NOS1AP: variants seen among roughly 807,000 people sequenced by gnomAD.
NOS1AP encodes the protein carboxyl-terminal PDZ ligand of neuronal nitric oxide synthase protein.
In NOS1AP, 21 loss-of-function variants were observed where a neutral mutation model predicts 56.2. The ratio of observed to expected loss-of-function variants is 0.37; its 90% confidence interval spans 0.26 to 0.54. NOS1AP has a LOEUF of 0.54. NOS1AP is among the 20% of genes least tolerant of loss of function. The pLI, the probability that NOS1AP is intolerant of heterozygous loss-of-function variation, is 0.84. For missense variants in NOS1AP, 522 were observed against 657.8 expected (o/e 0.79, Z 2.26); for synonymous variants, 270 against 274.6 (o/e 0.98, Z 0.17).
intron 1 of NOS1AP, among the ~76,000 whole-genome samples, chr1:162,146,178 C>T (rs1649458205): frequency 6.6e-6 from 1 of 151,422 alleles, no homozygotes; most frequent in Non-Finnish European, 1.5e-5. Flanking sequence ...GCTAGCTAGT[C>T]ACTGGGGCTT....
At chr1:162,240,534 A>T (rs1188050908) in intron 2 of NOS1AP, among the ~76,000 whole-genome samples, 3 of 152,222 alleles carry the variant, frequency 2.0e-5, no homozygotes, top group Non-Finnish European at 4.4e-5. Context: ...ACAGCACAGC[A>T]TGCTTTCTAG....
At chr1:162,128,353 T>G (rs1648582625) in intron 1 of NOS1AP, among the ~76,000 whole-genome samples, 1 of 152,172 alleles carries the variant, frequency 6.6e-6, no homozygotes, top group African/African-American at 2.4e-5. Context: ...AAATACTTTC[T>G]ATTGTGTTGC....
chr1:162,365,886 T>C (rs934370340), intron 9 of NOS1AP, among the ~76,000 whole-genome samples: 1 of 152,174 alleles, frequency 6.6e-6, no homozygotes, highest in Admixed American at 6.5e-5. Flanking sequence ...CCCATTTCTT[T>C]CTCAGAGAGC....
At chr1:162,189,341 T>C (rs1160251606) in intron 2 of NOS1AP, among the ~76,000 whole-genome samples, 1 of 152,236 alleles carries the variant, frequency 6.6e-6, no homozygotes, top group African/African-American at 2.4e-5. Flanking sequence ...GCTCATTTAG[T>C]TCTGCTAATT....
At position 162,365,569 on chromosome 1, in the gene NOS1AP, A is replaced by C. The variant is rs770024717; in HGVS notation, c.1105A>C (p.Met369Leu). The stretch of plus-strand genomic sequence containing the variant: ...ACTGAAGCTGTCAGGACAGAACGCC[A>C]GTAAGCCAGTGCCCTGCCCAGCCCT... ...LELKLSGQNA[M>L]GSQDSLLEIT... The change falls in exon 9 of 10, where the codon ATG becomes CTG. Residue 369 changes from methionine to leucine, a missense_variant and splice_region_variant. This residue lies in a region of NOS1AP where 52 missense variants were observed against 94.5 expected (regional missense o/e 0.55). Coordinates refer to ENST00000361897, the MANE Select transcript of NOS1AP (RefSeq NM_014697.3). The C allele has an allele frequency of 6.2e-7, 1 of 1,610,238 alleles. No individual in the cohort carries two copies.
intron 2 of NOS1AP, among the ~76,000 whole-genome samples, chr1:162,273,071 T>G (rs1363192411): frequency 2.0e-5 from 3 of 151,950 alleles, no homozygotes; most frequent in Non-Finnish European, 4.4e-5. Context: ...TGGAGGGGAC[T>G]CTGTGTCTGG....
intron 2 of NOS1AP, among the ~76,000 whole-genome samples, chr1:162,191,178 A>T (rs115349887): frequency 0.018 from 2,694 of 152,012 alleles, 80 homozygotes; most frequent in African/African-American, 0.061. Flanking sequence ...TGTTGGCCTC[A>T]CTTTGATTTT....
chr1:162,253,757 T>G (rs1171488422), intron 2 of NOS1AP, among the ~76,000 whole-genome samples: 5 of 152,222 alleles, frequency 3.3e-5, no homozygotes, highest in Admixed American at 6.5e-5. Context: ...CTTCTGGGTT[T>G]TTTTTCTTTT....
intron 4 of NOS1AP, among the ~76,000 whole-genome samples, chr1:162,330,559 C>G (rs1656732417): frequency 6.6e-6 from 1 of 152,132 alleles, no homozygotes; most frequent in Non-Finnish European, 1.5e-5. Flanking sequence ...CTGTGTAGGT[C>G]AGGACTCTGG....
At chr1:162,157,544 T>C (rs1401090540) in intron 2 of NOS1AP, among the ~76,000 whole-genome samples, 1 of 152,212 alleles carries the variant, frequency 6.6e-6, no homozygotes, top group Non-Finnish European at 1.5e-5. Flanking sequence ...TTGGGCAGGC[T>C]TTTGGTTGCT....
intron 5 of NOS1AP, among the ~76,000 whole-genome samples, chr1:162,342,829 G>A (rs1557885615): frequency 6.6e-6 from 1 of 152,130 alleles, no homozygotes; most frequent in Admixed American, 6.5e-5. Context: ...TCCAAAACAC[G>A]ATGAATGTTA....
At chr1:162,275,973 T>C (rs747135822) in intron 2 of NOS1AP, among the ~76,000 whole-genome samples, 2 of 152,232 alleles carry the variant, frequency 1.3e-5, no homozygotes, top group Non-Finnish European at 2.9e-5. Flanking sequence ...TGAGCGCCTT[T>C]ATAAATAAAG....
At chr1:162,145,789 A>G (rs1301599331) in intron 1 of NOS1AP, among the ~76,000 whole-genome samples, 1 of 152,112 alleles carries the variant, frequency 6.6e-6, no homozygotes, top group East Asian at 1.9e-4. Context: ...AGATTTCTTT[A>G]TGCTTTTGTG....
In NOS1AP at chr1:162,154,414, AG is replaced by A; in HGVS notation, c.116del (p.Ser39ThrfsTer34). On this transcript the variant is annotated frameshift_variant, in exon 2 of 10. Transcript: ENST00000361897. LOFTEE classifies it high-confidence loss of function. ...GICFEAKYVG[S>X]LDVPRPNSRV... is the part of the protein sequence containing the mutation. ...TGCTTCTCCCCCACAGTACGTAGGAAGCCTGGACGTGCCAAGGCCCAACAGC... is the reference window on the plus strand; with the variant it reads ...TGCTTCTCCCCCACAGTACGTAGGAACCTGGACGTGCCAAGGCCCAACAGC... 6.2e-7 allele frequency: 1 copy of A among 1,614,102 alleles called. No homozygotes were observed. Among genetic ancestry groups the A allele is most frequent in the Non-Finnish European group, 8.5e-7 (1 of 1,179,978 alleles).
chr1:162,339,753 C>G (rs962941082), intron 5 of NOS1AP, among the ~76,000 whole-genome samples: 2 of 152,154 alleles, frequency 1.3e-5, no homozygotes, highest in African/African-American at 2.4e-5. Flanking sequence ...GTTTTCTTGC[C>G]CTGCAGGCCA....
At chr1:162,242,608 C>T (rs908110699) in intron 2 of NOS1AP, among the ~76,000 whole-genome samples, 1 of 152,148 alleles carries the variant, frequency 6.6e-6, no homozygotes, top group African/African-American at 2.4e-5. Context: ...CACGCAAAAC[C>T]CCAAGCAAGA....
intron 1 of NOS1AP, among the ~76,000 whole-genome samples, chr1:162,125,710 C>A (rs942628606): frequency 4.6e-5 from 7 of 152,074 alleles, no homozygotes; most frequent in Non-Finnish European, 1.5e-5. Flanking sequence ...TAATGTGATT[C>A]CTCCAGATTT....
At chr1:162,289,568 G>A (rs1223535758) in intron 3 of NOS1AP, among the ~76,000 whole-genome samples, 2 of 137,234 alleles carry the variant, frequency 1.5e-5, no homozygotes, top group Admixed American at 8.2e-5. Context: ...TCCGCCTCCC[G>A]GGTTCACGCC....
At chr1:162,335,698 A>G (rs1052498066) in intron 5 of NOS1AP, among the ~76,000 whole-genome samples, 3 of 152,188 alleles carry the variant, frequency 2.0e-5, no homozygotes, top group African/African-American at 7.2e-5. Context: ...CGTGTTGGTC[A>G]TAGTGTAGAA....
Sources: gnomAD v4.1 joint callset for allele counts (sites outside exome capture counted in the v4.1 genomes callset) on GRCh38, gnomAD v4.1.1 for gene constraint, gnomAD v4.1.1 regional missense constraint, MANE v1.5 for transcripts, NCBI Gene and HGNC (gene_info 2026-07-23, HGNC 2026-07-21) for gene names.